The following NARS2 variants were observed in gnomAD, a reference collection of about 807,000 sequenced individuals.
NARS2 encodes the protein asparaginyl-tRNA synthetase 2, mitochondrial.
NARS2 carries 60 observed loss-of-function variants against 62.9 expected under a neutral mutation model. That is an observed-to-expected ratio of 0.95 (90% CI 0.77 to 1.18). The LOEUF is 1.18. NARS2 is among the 50% of genes most tolerant of loss of function. The pLI is 0.00. For missense variants in NARS2, 619 were observed against 576.4 expected, an observed-to-expected ratio of 1.07 and a Z score of -0.76; for synonymous variants, 196 against 200.0, an observed-to-expected ratio of 0.98 and a Z score of 0.17.
chr11:78,468,650 C>T (rs1034439154), intron 10 of NARS2, among the ~76,000 whole-genome samples: 2 of 151,882 alleles, frequency 1.3e-5, no homozygotes, highest in Non-Finnish European at 2.9e-5. Context: ...GTGATCCACC[C>T]GCCTCAGCCT....
chr11:78,563,570 C>T (rs537559502), intron 4 of NARS2, among the ~76,000 whole-genome samples: 2 of 151,482 alleles, frequency 1.3e-5, no homozygotes, highest in African/African-American at 4.8e-5. Flanking sequence ...TGGTGGCTCA[C>T]GCCCGCAATC....
intron 11 of NARS2, among the ~76,000 whole-genome samples, chr11:78,453,743 A>T (rs1385434224): frequency 2.0e-5 from 3 of 152,234 alleles, no homozygotes; most frequent in African/African-American, 7.2e-5. Context: ...AACTGCTGAA[A>T]TACACAGTAT....
chr11:78,470,936 G>A (rs1357267670), intron 9 of NARS2, among the ~76,000 whole-genome samples: 1 of 130,004 alleles, frequency 7.7e-6, no homozygotes, highest in Non-Finnish European at 1.6e-5. Flanking sequence ...GAAAGACCTT[G>A]AGCTCAAAAA....
intron 7 of NARS2, among the ~76,000 whole-genome samples, chr11:78,486,721 A>T (rs1859591326): frequency 6.6e-6 from 1 of 152,212 alleles, no homozygotes. Flanking sequence ...AAATTACCGG[A>T]CATACAAAGA....
At chr11:78,511,400 G>C (rs1198173779) in intron 6 of NARS2, among the ~76,000 whole-genome samples, 2 of 152,114 alleles carry the variant, frequency 1.3e-5, no homozygotes, top group Non-Finnish European at 2.9e-5. Flanking sequence ...CTTGATCATG[G>C]AAGTAGTTAC....
chr11:78,458,208 A>G (rs901673467), intron 11 of NARS2, among the ~76,000 whole-genome samples: 3 of 152,232 alleles, frequency 2.0e-5, no homozygotes, highest in African/African-American at 7.2e-5. Context: ...ATATACATAC[A>G]CCAAAATACC....
chr11:78,451,801 T>A (rs748441726), intron 11 of NARS2, among the ~76,000 whole-genome samples: 5 of 152,216 alleles, frequency 3.3e-5, no homozygotes, highest in African/African-American at 9.6e-5. Context: ...AGCTCAGATA[T>A]TGATTGTCTA....
chr11:78,443,831 A>G (rs1339715473), intron 11 of NARS2, 73 bp from the exon 12 acceptor site: 1 of 1,138,606 alleles, frequency 8.8e-7, no homozygotes, highest in Non-Finnish European at 1.3e-6. Flanking sequence ...AAGCAAGTAA[A>G]CCTTTAACAT....
chr11:78,495,107 G>A (rs1036192212), intron 6 of NARS2, among the ~76,000 whole-genome samples: 6 of 152,030 alleles, frequency 3.9e-5, no homozygotes, highest in Non-Finnish European at 8.8e-5. Flanking sequence ...CCAAACTATA[G>A]GTTTCCAAAC....
intron 2 of NARS2, 96 bp from the exon 3 acceptor site, chr11:78,568,848 C>A: frequency 9.8e-7 from 1 of 1,017,976 alleles, no homozygotes; most frequent in South Asian, 1.8e-5. Flanking sequence ...TACTTAATGA[C>A]AAAAGCTTTT....
chr11:78,533,531 T>C (rs901649200), intron 5 of NARS2, among the ~76,000 whole-genome samples: 4 of 152,182 alleles, frequency 2.6e-5, no homozygotes, highest in Admixed American at 2.6e-4. Context: ...AAAGCTCCAT[T>C]CAATTTGGCA....
In NARS2 at chr11:78,436,751, G is replaced by A; in HGVS notation, c.1353C>T (p.Arg451=). 1 of 1,614,188 alleles carries A rather than the reference G, an allele frequency of 6.2e-7. No homozygotes were observed. Among genetic ancestry groups the A allele is most frequent in the Non-Finnish European group, 8.5e-7 (1 of 1,180,024 alleles). ...CAACACCCAAGATGCACTGCAGGTA[G>A]CGTTCAAATCCCATCCCAAAACCTC... The part of the protein sequence containing the change: ...PHGGFGMGFE[R]YLQCILGVDN... The change falls in exon 14 of 14, where the codon CGC becomes CGT. Residue 451 remains arginine (R), a synonymous_variant. Coordinates refer to ENST00000281038, the MANE Select transcript of NARS2 (RefSeq NM_024678.6).
chr11:78,572,109 G>A (rs938156327), intron 1 of NARS2, among the ~76,000 whole-genome samples: 7 of 152,136 alleles, frequency 4.6e-5, no homozygotes, highest in East Asian at 1.9e-4. Flanking sequence ...TTGAACCCAC[G>A]AGGCGGAGGT....
rs1861490522 is a variant in NARS2, at chr11:78,531,798, T to C, written c.595-2862A>G. On this transcript the variant is annotated intron_variant, in intron 5 of 13. Transcript: ENST00000281038. ...GAAGACAGACTTAAAAGGCTATGTA[T>C]GATTACATTTATATGAAACATACAG... 5.9e-5 allele frequency among the ~76,000 whole-genome samples: 9 copies of C among 152,190 alleles called. No individual in the cohort carries two copies. The South Asian group carries it at 1.9e-3, about 31-fold the overall frequency.
intron 7 of NARS2, among the ~76,000 whole-genome samples, 181 bp downstream of exon 7, chr11:78,492,882 A>C (rs1261665432): frequency 1.3e-5 from 2 of 152,194 alleles, no homozygotes; most frequent in African/African-American, 4.8e-5. Flanking sequence ...ATAAACTTAA[A>C]TCTGTCTGAC....
At chr11:78,510,057 G>A (rs1565247777) in intron 6 of NARS2, among the ~76,000 whole-genome samples, 1 of 152,148 alleles carries the variant, frequency 6.6e-6, no homozygotes, top group East Asian at 1.9e-4. Context: ...ACACAGTAAT[G>A]CAGAAAACAA....
chr11:78,502,626 T>G (rs555849182), intron 6 of NARS2, among the ~76,000 whole-genome samples: 47 of 152,158 alleles, frequency 3.1e-4, no homozygotes, highest in Non-Finnish European at 6.2e-4. Context: ...AACTAGACAG[T>G]GATGTTGGTT....
intron 4 of NARS2, among the ~76,000 whole-genome samples, chr11:78,563,584 G>A (rs1410866817): frequency 6.6e-6 from 1 of 151,168 alleles, no homozygotes; most frequent in Non-Finnish European, 1.5e-5. Context: ...CGCAATCCCA[G>A]CACTTTGGGA....
intron 11 of NARS2, among the ~76,000 whole-genome samples, chr11:78,448,347 C>T (rs1042859646): frequency 2.7e-5 from 4 of 148,954 alleles, no homozygotes; most frequent in Non-Finnish European, 4.4e-5. Context: ...GACGGACTCT[C>T]GCTCTGTAGG....
Sources: gnomAD v4.1 joint callset for allele counts (sites outside exome capture counted in the v4.1 genomes callset) on GRCh38, gnomAD v4.1.1 for gene constraint, MANE v1.5 for transcripts, NCBI Gene and HGNC (gene_info 2026-07-23, HGNC 2026-07-21) for gene names.